The following SHOX2 variants were observed in gnomAD, a reference collection of about 807,000 sequenced individuals.
SHOX2 encodes short stature homeobox protein 2.
A neutral mutation model predicts 31.3 loss-of-function variants in SHOX2; 13 were observed. The observed-to-expected ratio is 0.42, with a 90% CI of 0.27 to 0.66. The LOEUF (loss-of-function observed/expected upper bound fraction) is 0.66. Among genes scored for constraint, SHOX2 ranks in the 30% least tolerant of loss-of-function variants. The pLI, the probability that SHOX2 is intolerant of heterozygous loss-of-function variation, is 0.27. For synonymous variants in SHOX2, 244 were observed against 196.2 expected (o/e 1.24, Z -2.04); for missense variants, 473 against 443.0 (o/e 1.07, Z -0.61).
chr3:158,105,748 G>C lies in SHOX2; in HGVS notation c.277C>G (p.Pro93Ala), dbSNP rs1713863869. Residue 93 changes from proline (P) to alanine (A), a missense_variant, in exon 1 of 5, where the codon CCC (proline) becomes GCC (alanine). Physicochemically the swap from Pro to Ala is conservative, Grantham distance 27. Transcript: ENST00000483851. ...AGGGAGGGRS[P>A]VRELDMGAAE... is the part of the protein sequence containing the mutation. ...GCGCCCATGTCCAGCTCCCGGACGG[G>C]AGAGCGCCCTCCTCCAGCTCCTCCG... 3.9e-6 allele frequency: 6 copies of C among 1,521,290 alleles called. No homozygotes were observed. Among genetic ancestry groups the C allele is most frequent in the Non-Finnish European group, 5.3e-6 (6 of 1,135,592 alleles). 94.2% of individuals were successfully genotyped at this position (1,521,290 alleles called of 1,614,324 possible). A position where few individuals can be genotyped will look rare whatever the true frequency, so the allele number is the denominator to read the frequency against.
intron 1 of SHOX2, chr3:158,103,523 CT>C (rs1273023182): frequency 6.4e-6 from 1 of 155,894 alleles, no homozygotes; most frequent in Non-Finnish European, 1.4e-5. Flanking sequence ...CTCGCTGCCC[CT>C]GGGCTCGGGC....
In SHOX2 at chr3:158,105,765, G is replaced by T; in HGVS notation, c.260C>A (p.Ala87Asp). 1.3e-6 allele frequency: 2 copies of T among 1,517,236 alleles called. No homozygotes were observed. The highest frequency in any genetic ancestry group is 1.8e-6 in the Non-Finnish European group (2 of 1,134,036). 94.0% of individuals were successfully genotyped at this position (1,517,236 alleles called of 1,614,324 possible). Residue 87 changes from alanine to aspartate, a missense_variant, in exon 1 of 5, where the codon GCT becomes GAT. By Grantham distance (126) the Ala-to-Asp change is moderately radical. Transcript: ENST00000483851. ...CCGGACGGGAGAGCGCCCTCCTCCAGCTCCTCCGCCTGCTCCTCCTCCTCC... is the reference window on the plus strand; with the variant it reads ...CCGGACGGGAGAGCGCCCTCCTCCATCTCCTCCGCCTGCTCCTCCTCCTCC... ...GVGGGGAGGG[A>D]GGGRSPVREL...
rs758611439 is a variant in SHOX2, at chr3:158,096,812, G to A, written c.*1215C>T. On this transcript the variant is annotated 3_prime_UTR_variant, in exon 5 of 5. Coordinates refer to ENST00000483851, the MANE Select transcript of SHOX2 (RefSeq NM_001163678.2). Reference sequence around the variant, plus strand: ...TTCCCCACATATTCTGCCCACCTCTGTCTTCTTAGGACAATGAGTGTAATT... The same window carrying A: ...TTCCCCACATATTCTGCCCACCTCTATCTTCTTAGGACAATGAGTGTAATT... 8.9e-5 allele frequency: 13 copies of A among 145,818 alleles called. No individual in the cohort carries two copies. Among genetic ancestry groups the A allele is most frequent in the Non-Finnish European group, 1.9e-4 (13 of 66,932 alleles). The allele number at this position is 145,818 out of a possible 1,614,324, so 9.0% of individuals were successfully genotyped here.
intron 4 of SHOX2, 172 bp from the exon 5 acceptor site, chr3:158,098,456 T>C (rs1337684769): frequency 3.8e-6 from 3 of 779,478 alleles, no homozygotes; most frequent in Non-Finnish European, 6.1e-6. Flanking sequence ...CTCAGCCTGT[T>C]GCTGAATCTG....
intron 3 of SHOX2, 78 bp from the exon 4 acceptor site, chr3:158,100,026 G>A (rs1242463123): frequency 1.6e-6 from 2 of 1,227,558 alleles, no homozygotes; most frequent in Non-Finnish European, 2.4e-6. Context: ...GTACAAGACA[G>A]AACGAATTCC....
chr3:158,099,145 C>G (rs887202999), intron 4 of SHOX2, among the ~76,000 whole-genome samples: 1 of 152,200 alleles, frequency 6.6e-6, no homozygotes, highest in African/African-American at 2.4e-5. Context: ...AAGCAGGGGT[C>G]CTGGCTGAGG....
chr3:158,096,899 T>A lies in SHOX2; in HGVS notation c.*1128A>T, dbSNP rs1489012992. ...ATCAAAGACAGGGCAAATATATATATATATATATATATATATATATATATA... is the reference window on the plus strand; with the variant it reads ...ATCAAAGACAGGGCAAATATATATAAATATATATATATATATATATATATA... On this transcript the variant is annotated 3_prime_UTR_variant, in exon 5 of 5. Coordinates refer to ENST00000483851, the MANE Select transcript of SHOX2 (RefSeq NM_001163678.2). The A allele has an allele frequency of 1.1e-5, 1 of 93,050 alleles. No homozygotes were observed. The highest frequency in any genetic ancestry group is 1.1e-4 in the Admixed American group (1 of 9,036). 5.8% of individuals were successfully genotyped at this position (93,050 alleles called of 1,614,324 possible).
chr3:158,100,322 G>A lies in SHOX2; in HGVS notation c.556-11C>T. 6.3e-7 allele frequency: 1 copy of A among 1,576,310 alleles called. No homozygotes were observed. The highest frequency in any genetic ancestry group is 8.6e-7 in the Non-Finnish European group (1 of 1,169,292). ...ATTTTGAAACCAAACCTATAGGTTG[G>A]AGGGGGAAAAAAAATAAAACCTAGA... On this transcript the variant is annotated splice_polypyrimidine_tract_variant and intron_variant, in intron 2 of 4. Transcript: ENST00000483851.
At position 158,098,265 on chromosome 3, in the gene SHOX2, A is replaced by C; in HGVS notation, c.722T>G (p.Leu241Arg). The C allele has an allele frequency of 6.2e-7, 1 of 1,613,780 alleles. No homozygotes were observed. The highest frequency in any genetic ancestry group is 8.5e-7 in the Non-Finnish European group (1 of 1,179,842). Residue 241 changes from leucine to arginine, a missense_variant, in exon 5 of 5, where the codon CTG (leucine) becomes CGG (arginine). Around this residue, in one of 3 missense-constraint regions of SHOX2, gnomAD observed 182 missense variants for 167.2 expected, o/e 1.09. Transcript: ENST00000483851. ...GTGCGCGTGCGCCACAGCGCTGTCC[A>C]GCTGCAGCTGCGCCTGAACCTGAAA... The part of the protein sequence containing the change: ...PFQQVQAQLQ[L>R]DSAVAHAHHH...
chr3:158,096,928 A>ATG lies in SHOX2; in HGVS notation c.*1098_*1099insCA, dbSNP rs1553753378. 24 of 121,256 alleles carry ATG rather than the reference A, an allele frequency of 2.0e-4. 1 individual carries two copies. The highest frequency in any genetic ancestry group is 6.6e-4 in the African/African-American group (21 of 32,028). 7.5% of individuals were successfully genotyped at this position (121,256 alleles called of 1,614,324 possible). On this transcript the variant is annotated 3_prime_UTR_variant, in exon 5 of 5. Transcript: ENST00000483851. ...TATATATATATATATATATATATAT[A>ATG]TATGGCAAATATATGATATATATAT... is the stretch of plus-strand genomic sequence containing the variant.
At chr3:158,100,192 G>T in intron 3 of SHOX2, 62 bp downstream of exon 3, 1 of 1,312,848 alleles carries the variant, frequency 7.6e-7, no homozygotes, top group Non-Finnish European at 1.1e-6. Flanking sequence ...CATTGTAATA[G>T]TAATATTCAC....
chr3:158,099,647 G>A, intron 4 of SHOX2, among the ~76,000 whole-genome samples: 1 of 152,256 alleles, frequency 6.6e-6, no homozygotes, highest in South Asian at 2.1e-4. Flanking sequence ...GCCCCTTCAG[G>A]GATTCCCATG....
chr3:158,105,483 A>C, intron 1 of SHOX2, among the ~76,000 whole-genome samples, 196 bp downstream of exon 1: 1 of 136,570 alleles, frequency 7.3e-6, no homozygotes. Flanking sequence ...CCCACAACAC[A>C]CTAGGACCCC....
intron 2 of SHOX2, among the ~76,000 whole-genome samples, chr3:158,101,901 T>G (rs976358287): frequency 6.6e-6 from 1 of 152,222 alleles, no homozygotes; most frequent in African/African-American, 2.4e-5. Context: ...CCCCAAAGCC[T>G]ATTTTTGCTA....
chr3:158,102,214 A>G (rs114610758), intron 2 of SHOX2, among the ~76,000 whole-genome samples: 1,555 of 152,298 alleles, frequency 0.01, 31 homozygotes, highest in African/African-American at 0.036. Context: ...CTATAAACCT[A>G]ATTGGGATAT....
intron 1 of SHOX2, chr3:158,103,093 G>C: frequency 1.6e-6 from 1 of 615,904 alleles, no homozygotes; most frequent in Admixed American, 2.7e-5. Context: ...CAAAGGTCAA[G>C]TCTGAGCGGC....
chr3:158,099,836 A>G, intron 4 of SHOX2, 24 bp downstream of exon 4: 1 of 1,569,156 alleles, frequency 6.4e-7, no homozygotes, highest in Non-Finnish European at 8.8e-7. Flanking sequence ...ATTTAAAAAC[A>G]GCTTGAAACT....
rs912076838 is a variant in SHOX2 at position 158,106,112 on chromosome 3, C to G, written c.-88G>C. The G allele has an allele frequency of 1.3e-6, 2 of 1,576,122 alleles. No homozygotes were observed. The highest frequency in any genetic ancestry group is 8.6e-7 in the Non-Finnish European group (1 of 1,161,784). ...CTTCTTTTTTTACTGCTCCAGCCCC[C>G]CCAATAATAACACATCAATGGGACA... On this transcript the variant is annotated 5_prime_UTR_variant, in exon 1 of 5. Transcript: ENST00000483851.
At position 158,102,672 on chromosome 3, in the gene SHOX2, G is replaced by C; in HGVS notation, c.555+6C>G. ...CTGGGCCCTCGACCTCCTGGCAGCT[G>C]GGTACCTGCACTCGGGCCTCCGACA... On this transcript the variant is annotated splice_donor_region_variant and intron_variant, in intron 2 of 4. Transcript: ENST00000483851. 6.2e-7 allele frequency: 1 copy of C among 1,613,200 alleles called. No homozygotes were observed. Among genetic ancestry groups the C allele is most frequent in the Non-Finnish European group, 8.5e-7 (1 of 1,179,326 alleles).
Sources: allele counts gnomAD v4.1 joint callset (sites outside exome capture counted in the v4.1 genomes callset), GRCh38; gene constraint gnomAD v4.1.1; regional missense constraint gnomAD v4.1.1; transcripts MANE v1.5; gene names NCBI Gene and HGNC (gene_info 2026-07-23, HGNC 2026-07-21).